The following EMP1 variants were observed in gnomAD, a reference collection of about 807,000 sequenced individuals.
EMP1 encodes the protein epithelial membrane protein 1.
EMP1 carries 5 observed loss-of-function variants against 15.7 expected under a neutral mutation model. That is an observed-to-expected ratio of 0.32 (90% CI 0.17 to 0.67). The LOEUF is 0.67. EMP1 is among the 30% of genes least tolerant of loss of function. The pLI is 0.74. For missense variants in EMP1, 166 were observed against 194.2 expected (o/e 0.85, Z 0.86); for synonymous variants, 78 against 76.7 (o/e 1.02, Z -0.09).
chr12:13,213,982 CT>C, intron 4 of EMP1, 161 bp downstream of exon 4: 3 of 1,106,418 alleles, frequency 2.7e-6, no homozygotes, highest in Non-Finnish European at 4.0e-6. Context: ...TGGATTGCTG[CT>C]TAGGTTAAGA....
intron 4 of EMP1, chr12:13,214,173 G>A: frequency 1.7e-6 from 1 of 600,980 alleles, no homozygotes; most frequent in Non-Finnish European, 3.0e-6. Context: ...CTTAATTGTT[G>A]TTCTTTCCCA....
At chr12:13,213,050 T>C (rs1012331922) in intron 2 of EMP1, among the ~76,000 whole-genome samples, 1 of 152,236 alleles carries the variant, frequency 6.6e-6, no homozygotes, top group African/African-American at 2.4e-5. Flanking sequence ...TTGTTTCCAG[T>C]TGGACATTTC....
chr12:13,217,423 CAATGG>C lies in EMP1; in HGVS notation c.*2734_*2738del, dbSNP rs1198976131. On this transcript the variant is annotated 3_prime_UTR_variant, in exon 5 of 5. Transcript: ENST00000256951. Reference sequence around the variant, plus strand: ...CACAGAGTATTGCACCAAAAATACACAATGGAGGCTGAAAAGTTCAACATATTTTA... The same window carrying C: ...CACAGAGTATTGCACCAAAAATACACAGGCTGAAAAGTTCAACATATTTTA... The C allele has an allele frequency of 1.3e-5, 2 of 152,226 alleles. No homozygotes were observed. The highest frequency in any genetic ancestry group is 1.5e-5 in the Non-Finnish European group (1 of 68,046). The allele number at this position is 152,226 out of a possible 1,614,324, so 9.4% of individuals were successfully genotyped here. A position where few individuals can be genotyped will look rare whatever the true frequency, so the allele number is the denominator to read the frequency against.
rs1864188278 is a variant in EMP1, at chr12:13,213,761, C to G, written c.256C>G (p.Leu86Val). The change falls in exon 4 of 5, where the codon CTC (leucine) becomes GTC (valine). Residue 86 changes from leucine (L) to valine (V), a missense_variant. Leu to Val is a conservative substitution (Grantham distance 32). Coordinates refer to ENST00000256951, the MANE Select transcript of EMP1 (RefSeq NM_001423.3). ...VIALLVFVFQ[L>V]FTMEKGNRFF... ...TGCCCTCCTGGTCTTCGTGTTCCAG[C>G]TCTTCACCATGGAGAAGGGAAACCG... 1 of 1,614,114 alleles carries G rather than the reference C, an allele frequency of 6.2e-7. No individual in the cohort carries two copies. Among genetic ancestry groups the G allele is most frequent in the Admixed American group, 1.7e-5 (1 of 60,008 alleles).
rs1356788679 is a variant in EMP1 at position 13,211,290 on chromosome 12, G to C, written c.-42-179G>C. ...GTAGGTATGTATAACTGGATGAATAGGCACTTAGGCAAATCAGAACTAGGT... is the reference window on the plus strand; with the variant it reads ...GTAGGTATGTATAACTGGATGAATACGCACTTAGGCAAATCAGAACTAGGT... On this transcript the variant is annotated intron_variant, in intron 1 of 4. Coordinates refer to ENST00000256951, the MANE Select transcript of EMP1 (RefSeq NM_001423.3). This position sits in a 1 kb window ranked among gnomAD's most constrained non-coding sequence, Gnocchi z 4.7. Among the ~76,000 whole-genome samples, 1 of 152,176 alleles carries C rather than the reference G, an allele frequency of 6.6e-6. No individual in the cohort carries two copies. Among genetic ancestry groups the C allele is most frequent in the African/African-American group, 2.4e-5 (1 of 41,436 alleles).
rs1009743304 is a variant in EMP1 at position 13,218,238 on chromosome 12, G to A, written c.*3547G>A. 2.6e-5 allele frequency: 4 copies of A among 152,070 alleles called. No homozygotes were observed. Among genetic ancestry groups the A allele is most frequent in the African/African-American group, 9.7e-5 (4 of 41,386 alleles). The allele number at this position is 152,070 out of a possible 1,614,324, so 9.4% of individuals were successfully genotyped here. A position where few individuals can be genotyped will look rare whatever the true frequency, so the allele number is the denominator to read the frequency against. ...CGCAGTCCCTGTGTAAAACCCCACCGGCTTTCAGGCATGGAAAAAAATTTC... is the reference window on the plus strand; with the variant it reads ...CGCAGTCCCTGTGTAAAACCCCACCAGCTTTCAGGCATGGAAAAAAATTTC... On this transcript the variant is annotated 3_prime_UTR_variant, in exon 5 of 5. Transcript: ENST00000256951.
At chr12:13,198,741 G>A (rs1214814868) in intron 1 of EMP1, among the ~76,000 whole-genome samples, 3 of 152,200 alleles carry the variant, frequency 2.0e-5, no homozygotes, top group Non-Finnish European at 4.4e-5. Context: ...TGCATTATTT[G>A]TGGCAAGGTT....
At chr12:13,204,853 G>C (rs1045222998) in intron 1 of EMP1, among the ~76,000 whole-genome samples, 4 of 152,196 alleles carry the variant, frequency 2.6e-5, no homozygotes, top group Admixed American at 1.3e-4. Context: ...AGTAATCTCA[G>C]GACTGTGTTA....
At position 13,215,394 on chromosome 12, in the gene EMP1, C is replaced by G. The variant is rs1028270997; in HGVS notation, c.*703C>G. ...CACACACGGCTGTCCCTCATGGAGA[C>G]CTCATGCCATGGTCTTTGCTAGGCC... On this transcript the variant is annotated 3_prime_UTR_variant, in exon 5 of 5. Transcript: ENST00000256951. 6.6e-6 allele frequency: 1 copy of G among 152,296 alleles called. No homozygotes were observed. Among genetic ancestry groups the G allele is most frequent in the South Asian group, 2.1e-4 (1 of 4,830 alleles). The allele number at this position is 152,296 out of a possible 1,614,324, so 9.4% of individuals were successfully genotyped here. A position where few individuals can be genotyped will look rare whatever the true frequency, so the allele number is the denominator to read the frequency against.
At chr12:13,198,887 A>G (rs1864037238) in intron 1 of EMP1, among the ~76,000 whole-genome samples, 1 of 152,162 alleles carries the variant, frequency 6.6e-6, no homozygotes, top group African/African-American at 2.4e-5. Flanking sequence ...AGAGTCCCTT[A>G]GCTGTGAGAG....
chr12:13,213,888 A>G (rs1864189769), intron 4 of EMP1, 67 bp downstream of exon 4: 1 of 1,597,730 alleles, frequency 6.3e-7, no homozygotes, highest in Non-Finnish European at 8.5e-7. Context: ...TGTTTCTGGC[A>G]ACTTGAACAG....
At position 13,211,497 on chromosome 12, in the gene EMP1, A is replaced by C; in HGVS notation, c.-14A>C. 6.2e-7 allele frequency: 1 copy of C among 1,609,570 alleles called. No individual in the cohort carries two copies. The highest frequency in any genetic ancestry group is 8.5e-7 in the Non-Finnish European group (1 of 1,178,736). On this transcript the variant is annotated 5_prime_UTR_variant, in exon 2 of 5. Transcript: ENST00000256951. This position sits in a 1 kb window ranked among gnomAD's most constrained non-coding sequence, Gnocchi z 4.7. ...TCTCTTTGCTCACAAGTTACCAAAA[A>C]AAAAAGAGCCAACATGTTGGTATTG...
rs181470196 is a variant in EMP1 at position 13,214,184 on chromosome 12, A to G, written c.317-350A>G. On this transcript the variant is annotated intron_variant, in intron 4 of 4. Transcript: ENST00000256951. ...CTCACTTAATTGTTGTTCTTTCCCAATATACTCGGTTTGGTGGAAGGACAT... is the reference window on the plus strand; with the variant it reads ...CTCACTTAATTGTTGTTCTTTCCCAGTATACTCGGTTTGGTGGAAGGACAT... The G allele has an allele frequency of 2.2e-4, 134 of 599,392 alleles. 1 individual carries two copies. In the East Asian group the frequency reaches 3.6e-3, roughly 16 times the overall value. The allele number at this position is 599,392 out of a possible 1,614,324, so 37.1% of individuals were successfully genotyped here. A position where few individuals can be genotyped will look rare whatever the true frequency, so the allele number is the denominator to read the frequency against.
In EMP1 at chr12:13,214,739, T is replaced by C; in HGVS notation, c.*48T>C. The C allele has an allele frequency of 6.8e-7, 1 of 1,462,650 alleles. No homozygotes were observed. Among genetic ancestry groups the C allele is most frequent in the Non-Finnish European group, 9.1e-7 (1 of 1,096,606 alleles). The allele number at this position is 1,462,650 out of a possible 1,614,324, so 90.6% of individuals were successfully genotyped here. A position where few individuals can be genotyped will look rare whatever the true frequency, so the allele number is the denominator to read the frequency against. ...CTGGGGGGTGGGGAGGAGGAAGCCG[T>C]TGAATCTGGGAGGGAAGTGGAGGTT... On this transcript the variant is annotated 3_prime_UTR_variant, in exon 5 of 5. Transcript: ENST00000256951.
chr12:13,198,765 T>C (rs1864036328), intron 1 of EMP1, among the ~76,000 whole-genome samples: 1 of 152,192 alleles, frequency 6.6e-6, no homozygotes, highest in Admixed American at 6.5e-5. Context: ...CATGATACTG[T>C]AGGTTTATAA....
At chr12:13,205,047 G>GA (rs1463548025) in intron 1 of EMP1, among the ~76,000 whole-genome samples, 1 of 152,220 alleles carries the variant, frequency 6.6e-6, no homozygotes, top group Non-Finnish European at 1.5e-5. Flanking sequence ...CGTATTGTCA[G>GA]AAAAATCTTT....
chr12:13,200,251 G>C (rs1261799753), intron 1 of EMP1, among the ~76,000 whole-genome samples: 2 of 152,104 alleles, frequency 1.3e-5, no homozygotes, highest in African/African-American at 4.8e-5. Context: ...CAGGACACAG[G>C]CTTCTAGCTA....
rs1864200861 is a variant in EMP1 at position 13,214,921 on chromosome 12, A to G, written c.*230A>G. 8.6e-6 allele frequency: 4 copies of G among 464,060 alleles called. No individual in the cohort carries two copies. The highest frequency in any genetic ancestry group is 8.6e-5 in the South Asian group (4 of 46,498). The allele number at this position is 464,060 out of a possible 1,614,324, so 28.7% of individuals were successfully genotyped here. On this transcript the variant is annotated 3_prime_UTR_variant, in exon 5 of 5. Coordinates refer to ENST00000256951, the MANE Select transcript of EMP1 (RefSeq NM_001423.3). ...CTTTGATGCTCCCTTGATGGGGTCC[A>G]GAGAGCCTCCCTGCAGCCACCAGAC...
At chr12:13,206,820 A>T (rs928471172) in intron 1 of EMP1, among the ~76,000 whole-genome samples, 13 of 152,150 alleles carry the variant, frequency 8.5e-5, no homozygotes, top group African/African-American at 3.1e-4. Context: ...TGGGGGCCTG[A>T]GTAATTTCTC....
Sources: allele counts gnomAD v4.1 joint callset (sites outside exome capture counted in the v4.1 genomes callset), GRCh38; gene constraint gnomAD v4.1.1; non-coding constraint Gnocchi (gnomAD v3.1); transcripts MANE v1.5; gene names NCBI Gene and HGNC (gene_info 2026-07-23, HGNC 2026-07-21).